SLC3A2: variants seen among roughly 807,000 people sequenced by gnomAD.
The protein encoded by SLC3A2 is amino acid transporter heavy chain SLC3A2.
SLC3A2 carries 32 observed loss-of-function variants against 48.5 expected under a neutral mutation model. That is an observed-to-expected ratio of 0.66 (90% confidence interval 0.50 to 0.89). SLC3A2 has a LOEUF of 0.89. SLC3A2 is among the 40% of genes least tolerant of loss of function. The pLI, the probability that SLC3A2 is intolerant of heterozygous loss-of-function variation, is 0.00. For synonymous variants in SLC3A2, 277 were observed against 288.8 expected, an observed-to-expected ratio of 0.96 and a Z score of 0.41; for missense variants, 587 against 680.7, an observed-to-expected ratio of 0.86 and a Z score of 1.53.
At chr11:62,867,322 CTTTTTTTTTTTTT>C (rs56758000) in intron 1 of SLC3A2, among the ~76,000 whole-genome samples, 3 of 67,642 alleles carry the variant, frequency 4.4e-5, no homozygotes, top group Non-Finnish European at 5.9e-5. Flanking sequence ...CTTTTCTTTT[CTTTTTTTTTTTTT>C]TTTTTTTTTG....
chr11:62,882,761 C>A (rs1402769865), intron 2 of SLC3A2, 147 bp from the exon 3 acceptor site: 2 of 693,214 alleles, frequency 2.9e-6, no homozygotes, highest in Admixed American at 2.1e-5. Context: ...ACATCTGTTT[C>A]AATGGAATGA....
chr11:62,869,582 T>C (rs1417178659), intron 1 of SLC3A2, among the ~76,000 whole-genome samples: 1 of 149,238 alleles, frequency 6.7e-6, no homozygotes, highest in African/African-American at 2.5e-5. Flanking sequence ...TTTTTCTTGA[T>C]GATTATTGGT....
Position 62,880,949 on chromosome 11 carries a change from G to C in SLC3A2, c.-75G>C, listed in dbSNP as rs118095396. Reference sequence around the variant, plus strand: ...CACAGAGGCCGGGGAGAGCGTTCTGGGTCCGAGGGTCCAGGTAGGGGTTGA... The same window carrying C: ...CACAGAGGCCGGGGAGAGCGTTCTGCGTCCGAGGGTCCAGGTAGGGGTTGA... On this transcript the variant is annotated 5_prime_UTR_variant, in exon 1 of 9. Transcript: ENST00000338663. The C allele has an allele frequency of 3.4e-6, 5 of 1,488,484 alleles. No homozygotes were observed. The highest frequency in any genetic ancestry group is 4.5e-6 in the Non-Finnish European group (5 of 1,120,596). 92.2% of individuals were successfully genotyped at this position (1,488,484 alleles called of 1,614,324 possible). A position where few individuals can be genotyped will look rare whatever the true frequency, so the allele number is the denominator to read the frequency against.
At chr11:62,857,532 T>A (rs1399858188) in intron 1 of SLC3A2, among the ~76,000 whole-genome samples, 2 of 150,928 alleles carry the variant, frequency 1.3e-5, no homozygotes, top group Non-Finnish European at 3.0e-5. Flanking sequence ...ACAAAAAAAA[T>A]AGAAAAAATT....
At chr11:62,857,166 G>A (rs1717794275) in intron 1 of SLC3A2, among the ~76,000 whole-genome samples, 1 of 151,750 alleles carries the variant, frequency 6.6e-6, no homozygotes, top group Non-Finnish European at 1.5e-5. Flanking sequence ...CTGTCGCCCA[G>A]GCTGGAGTGC....
chr11:62,864,906 C>T (rs1172859138), intron 1 of SLC3A2, among the ~76,000 whole-genome samples: 6 of 152,068 alleles, frequency 3.9e-5, no homozygotes, highest in Admixed American at 2.6e-4. Flanking sequence ...GCCCAGTCCC[C>T]GTTTAAACAC....
chr11:62,882,970 C>T lies in SLC3A2; in HGVS notation c.661C>T (p.Gln221Ter). ...GGGTGAGAACTCGTGGTTCTCCACTCAGGTTGACACTGTGGCCACCAAGGT... is the reference window on the plus strand; with the variant it reads ...GGGTGAGAACTCGTGGTTCTCCACTTAGGTTGACACTGTGGCCACCAAGGT... Reference protein sequence around the residue: ...YRGENSWFSTQVDTVATKVKD... With the variant: ...YRGENSWFST The change falls in exon 3 of 9, where the codon CAG (glutamine) becomes TAG (stop). Residue 221 changes from glutamine to a stop codon, truncating the protein, a stop_gained. Coordinates refer to ENST00000338663, the MANE Select transcript of SLC3A2 (RefSeq NM_001013251.3). LOFTEE classifies it high-confidence loss of function. The T allele has an allele frequency of 4.3e-6, 7 of 1,614,224 alleles. No homozygotes were observed. The highest frequency in any genetic ancestry group is 5.9e-6 in the Non-Finnish European group (7 of 1,180,044).
chr11:62,857,916 GTGTGTAGCTA>G (rs2085356696), intron 1 of SLC3A2, among the ~76,000 whole-genome samples: 2 of 151,842 alleles, frequency 1.3e-5, no homozygotes, highest in African/African-American at 4.8e-5. Flanking sequence ...AAAGAAGGAA[GTGTGTAGCTA>G]CAATTCATGA....
rs957804742 is a variant in SLC3A2, at chr11:62,881,188, A to G, written c.165A>G (p.Ala55=). 16 of 1,593,178 alleles carry G rather than the reference A, an allele frequency of 1.0e-5. No homozygotes were observed. Among genetic ancestry groups the G allele is most frequent in the Non-Finnish European group, 1.3e-5 (15 of 1,172,080 alleles). Residue 55 remains alanine, a synonymous_variant, in exon 1 of 9, where the codon GCA becomes GCG. Transcript: ENST00000338663. The surrounding 1 kb of genome is among the most constrained non-coding windows in gnomAD (Gnocchi z 4.0). ...TGGCGGAAGACGAGGCGGAGGCGGC[A>G]GCCGCGGCTAAGTTCACGGGCCTGT... The part of the protein sequence containing the change: ...IKVAEDEAEA[A]AAAKFTGLSK...
At chr11:62,876,418 G>A (rs928016113), upstream of SLC3A2, among the ~76,000 whole-genome samples, 105 of 152,114 alleles carry the variant, frequency 6.9e-4, no homozygotes, top group African/African-American at 2.3e-3. Flanking sequence ...GCCTTCTCTT[G>A]AAGGCTAAAT....
chr11:62,863,144 C>T (rs1005616805), intron 1 of SLC3A2, among the ~76,000 whole-genome samples: 7 of 152,162 alleles, frequency 4.6e-5, no homozygotes, highest in Non-Finnish European at 1.0e-4. Context: ...TAGTCTCGAA[C>T]CCCTGACCTT....
upstream of SLC3A2, among the ~76,000 whole-genome samples, chr11:62,878,835 C>T (rs555142474): frequency 3.8e-4 from 58 of 151,208 alleles, no homozygotes; most frequent in African/African-American, 1.3e-3. Context: ...AGTGCAGCCG[C>T]GCAATCTTGG....
At chr11:62,887,365 ATG>A (rs996645158) in intron 7 of SLC3A2, among the ~76,000 whole-genome samples, 3 of 152,070 alleles carry the variant, frequency 2.0e-5, no homozygotes, top group Non-Finnish European at 4.4e-5. Context: ...GCAACAGTGT[ATG>A]TGTGAGGACC....
Position 62,881,113 on chromosome 11 carries a change from G to A in SLC3A2, c.90G>A (p.Ala30=), listed in dbSNP as rs1178272419. The change falls in exon 1 of 9, where the codon GCG becomes GCA. Residue 30 remains alanine (A), a synonymous_variant. Coordinates refer to ENST00000338663, the MANE Select transcript of SLC3A2 (RefSeq NM_001013251.3). The surrounding 1 kb of genome is among the most constrained non-coding windows in gnomAD (Gnocchi z 4.0). ...EKQPMNAASG[A]AMSLAGAEKN... ...AGCCGATGAACGCGGCGTCTGGGGCGGCCATGTCCCTGGCGGGAGCCGAGA... is the reference window on the plus strand; with the variant it reads ...AGCCGATGAACGCGGCGTCTGGGGCAGCCATGTCCCTGGCGGGAGCCGAGA... The A allele has an allele frequency of 1.2e-6, 2 of 1,608,510 alleles. No homozygotes were observed. The highest frequency in any genetic ancestry group is 2.2e-5 in the East Asian group (1 of 44,690).
In SLC3A2 at chr11:62,888,393, T is replaced by C. The variant is rs1590640431; in HGVS notation, c.1290T>C (p.Ser430=). 1 of 1,614,014 alleles carries C rather than the reference T, an allele frequency of 6.2e-7. No homozygotes were observed. Among genetic ancestry groups the C allele is most frequent in the Non-Finnish European group, 8.5e-7 (1 of 1,179,992 alleles). ...SLFRRLSDQR[S]KERSLLHGDF... ...TCCGGCGGCTGAGTGACCAGCGGAG[T>C]AAGGAGCGCTCCCTACTGCATGGGG... is the stretch of plus-strand genomic sequence containing the variant. The change falls in exon 9 of 9, where the codon AGT becomes AGC. Residue 430 remains serine (S), a synonymous_variant. Transcript: ENST00000338663.
Position 62,881,991 on chromosome 11 carries a change from G to A in SLC3A2, c.523G>A (p.Asp175Asn), listed in dbSNP as rs80190679. ...CCAGAAGGATGATGTCGCTCAGACT[G>A]ACTTGCTGCAGATCGACCCCAATTT... is the stretch of plus-strand genomic sequence containing the variant. ...KNQKDDVAQTDLLQIDPNFGS... is the reference protein window; with the variant it reads ...KNQKDDVAQTNLLQIDPNFGS... The change falls in exon 2 of 9, where the codon GAC (aspartate) becomes AAC (asparagine). Residue 175 changes from aspartate to asparagine, a missense_variant. Asp to Asn is a conservative substitution (Grantham distance 23). This residue lies in a region of SLC3A2 where 409 missense variants were observed against 446.7 expected (regional missense o/e 0.92). Transcript: ENST00000338663. This position sits in a 1 kb window ranked among gnomAD's most constrained non-coding sequence, Gnocchi z 4.0. The A allele has an allele frequency of 1.2e-3, 1,883 of 1,614,212 alleles. 1 individual carries two copies. The highest frequency in any genetic ancestry group is 1.5e-3 in the Non-Finnish European group (1,727 of 1,180,046).
chr11:62,881,368 G>T lies in SLC3A2; in HGVS notation c.345G>T (p.Gln115His), dbSNP rs1208902521. 1.3e-6 allele frequency: 2 copies of T among 1,597,908 alleles called. No homozygotes were observed. Among genetic ancestry groups the T allele is most frequent in the South Asian group, 1.1e-5 (1 of 89,888 alleles). The change falls in exon 1 of 9, where the codon CAG (glutamine) becomes CAT (histidine). Residue 115 changes from glutamine (Q) to histidine (H), a missense_variant. Gln to His is a conservative substitution (Grantham distance 24, BLOSUM62 0). This residue lies in a region of SLC3A2 where 409 missense variants were observed against 446.7 expected (regional missense o/e 0.92). Transcript: ENST00000338663. This position sits in a 1 kb window ranked among gnomAD's most constrained non-coding sequence, Gnocchi z 4.0. ...CGCGTTGTCGCGAGCTACCGGCGCA[G>T]AAGTGGTGGCACACGGGCGCCCTCT... ...RAPRCRELPAQKWWHTGALYR... is the reference protein window; with the variant it reads ...RAPRCRELPAHKWWHTGALYR...
At chr11:62,870,180 C>T (rs929233907) in intron 1 of SLC3A2, among the ~76,000 whole-genome samples, 31 of 150,880 alleles carry the variant, frequency 2.1e-4, no homozygotes, top group Middle Eastern at 3.2e-3. Flanking sequence ...TATTTATTTA[C>T]TTATTTATTT....
intron 3 of SLC3A2, chr11:62,884,035 C>G (rs1462297482): frequency 2.2e-6 from 1 of 458,956 alleles, no homozygotes; most frequent in Non-Finnish European, 4.4e-6. Flanking sequence ...CATTTTAGAT[C>G]CTGTCTGCTG....
Sources: allele counts gnomAD v4.1 joint callset (sites outside exome capture counted in the v4.1 genomes callset), GRCh38; gene constraint gnomAD v4.1.1; regional missense constraint gnomAD v4.1.1; non-coding constraint Gnocchi (gnomAD v3.1); transcripts MANE v1.5; gene names NCBI Gene and HGNC (gene_info 2026-07-23, HGNC 2026-07-21).